The following ITGAV variants were observed in gnomAD, a reference collection of about 807,000 sequenced individuals.
The protein encoded by ITGAV is integrin subunit alpha V.
In ITGAV, 76 loss-of-function variants were observed where a neutral mutation model predicts 143.8. That is an observed-to-expected ratio of 0.53 (90% CI 0.44 to 0.64). The LOEUF is 0.64. Ranked by LOEUF, ITGAV falls within the 30% of genes least tolerant of loss-of-function variation. The pLI is 0.00. For synonymous variants in ITGAV, 453 were observed against 446.7 expected, an observed-to-expected ratio of 1.01 and a Z score of -0.18; for missense variants, 1,193 against 1,274.7, an observed-to-expected ratio of 0.94 and a Z score of 0.98.
intron 18 of ITGAV, among the ~76,000 whole-genome samples, chr2:186,659,951 T>C (rs1454505607): frequency 2.0e-5 from 3 of 152,042 alleles, no homozygotes; most frequent in African/African-American, 7.2e-5. Context: ...ATAGAACTTA[T>C]AACCATACTT....
At chr2:186,615,527 T>A (rs1427749140) in intron 2 of ITGAV, among the ~76,000 whole-genome samples, 2 of 152,166 alleles carry the variant, frequency 1.3e-5, no homozygotes, top group African/African-American at 4.8e-5. Flanking sequence ...TATTTTATTG[T>A]GGTTTTGATT....
In ITGAV at chr2:186,666,730, G is replaced by A; in HGVS notation, c.2193G>A (p.Val731=). The change falls in exon 22 of 30, where the codon GTG becomes GTA. Residue 731 remains valine (V), a synonymous_variant. Transcript: ENST00000261023. ...TQLLAGLRFS[V]HQQSEMDTSV... The stretch of plus-strand genomic sequence containing the variant: ...TCTTAGCTGGTCTTCGTTTCAGTGT[G>A]CACCAGCAGTCAGAGATGGATACTT... 2 of 1,584,664 alleles carry A rather than the reference G, an allele frequency of 1.3e-6. No homozygotes were observed. Among genetic ancestry groups the A allele is most frequent in the Non-Finnish European group, 1.7e-6 (2 of 1,168,022 alleles).
chr2:186,602,182 T>G, intron 2 of ITGAV, 31 bp downstream of exon 2: 2 of 1,587,844 alleles, frequency 1.3e-6, no homozygotes, highest in Non-Finnish European at 1.7e-6. Context: ...TTCTTTTCAT[T>G]GATTTCATTT....
intron 1 of ITGAV, among the ~76,000 whole-genome samples, chr2:186,593,835 C>T (rs1043165344): frequency 2.6e-5 from 4 of 152,086 alleles, no homozygotes; most frequent in Non-Finnish European, 4.4e-5. Flanking sequence ...GTGTAAAATT[C>T]AAATCCCACT....
At chr2:186,675,467 C>A in intron 26 of ITGAV, 137 bp from the exon 27 acceptor site, 1 of 639,150 alleles carries the variant, frequency 1.6e-6, no homozygotes, top group Admixed American at 2.8e-5. Flanking sequence ...CAACTATTAG[C>A]CTGTTTATTT....
intron 5 of ITGAV, among the ~76,000 whole-genome samples, chr2:186,632,339 G>T (rs567819716): frequency 6.6e-6 from 1 of 152,176 alleles, no homozygotes; most frequent in Non-Finnish European, 1.5e-5. Flanking sequence ...TACTGTGAAA[G>T]TCATTGCTAA....
chr2:186,592,751 A>G (rs1686648385), intron 1 of ITGAV, among the ~76,000 whole-genome samples: 1 of 152,144 alleles, frequency 6.6e-6, no homozygotes, highest in Non-Finnish European at 1.5e-5. Flanking sequence ...GTAAAATTGA[A>G]CTTGGGTTTG....
intron 1 of ITGAV, chr2:186,600,110 A>G: frequency 2.1e-6 from 1 of 485,164 alleles, no homozygotes; most frequent in Non-Finnish European, 3.6e-6. Context: ...AAGTTTAACC[A>G]TGGCCAAAAG....
rs968539670 is a variant in ITGAV, at chr2:186,619,991, C to CA, written c.317-2338dup. On this transcript the variant is annotated intron_variant, in intron 2 of 29. Coordinates refer to ENST00000261023, the MANE Select transcript of ITGAV (RefSeq NM_002210.5). Reference sequence around the variant, plus strand: ...TGGGCGACAGAGCAAGACTCCATCTCAAAAAAAAAAGAAAAAGAAAAGAAA... The same window carrying CA: ...TGGGCGACAGAGCAAGACTCCATCTCAAAAAAAAAAAGAAAAAGAAAAGAAA... 3.4e-3 allele frequency among the ~76,000 whole-genome samples: 497 copies of CA among 145,562 alleles called. 1 individual carries two copies. Among genetic ancestry groups the CA allele is most frequent in the African/African-American group, 9.6e-3 (381 of 39,714 alleles).
chr2:186,622,250 T>C, intron 2 of ITGAV, 89 bp from the exon 3 acceptor site: 2 of 857,394 alleles, frequency 2.3e-6, no homozygotes, highest in Non-Finnish European at 3.8e-6. Flanking sequence ...AAAGGTGTAC[T>C]ATTTCTCAAC....
At chr2:186,619,733 G>A (rs1034714882) in intron 2 of ITGAV, among the ~76,000 whole-genome samples, 1 of 152,180 alleles carries the variant, frequency 6.6e-6, no homozygotes, top group Non-Finnish European at 1.5e-5. Context: ...GCCCACACCT[G>A]TAATCCCAGC....
Position 186,640,619 on chromosome 2 carries a change from A to G in ITGAV, c.904-296A>G, listed in dbSNP as rs75654434. On this transcript the variant is annotated intron_variant, in intron 10 of 29. Coordinates refer to ENST00000261023, the MANE Select transcript of ITGAV (RefSeq NM_002210.5). ...AGGGAGATAGTAGGGTAGGCCTGAGAAGGAGAATTGATAGTCCTTAGACTT... is the reference window on the plus strand; with the variant it reads ...AGGGAGATAGTAGGGTAGGCCTGAGGAGGAGAATTGATAGTCCTTAGACTT... Among the ~76,000 whole-genome samples, 1,265 of 152,238 alleles carry G rather than the reference A, an allele frequency of 8.3e-3. 27 individuals carry two copies. The highest frequency in any genetic ancestry group is 0.037 in the Admixed American group (567 of 15,286).
At chr2:186,617,197 T>C (rs1435860186) in intron 2 of ITGAV, among the ~76,000 whole-genome samples, 1 of 152,212 alleles carries the variant, frequency 6.6e-6, no homozygotes, top group Non-Finnish European at 1.5e-5. Flanking sequence ...TTGTTCACTT[T>C]GGCCATTTCA....
chr2:186,665,090 A>C (rs202238670), intron 20 of ITGAV, 36 bp from the exon 21 acceptor site: 41 of 1,189,374 alleles, frequency 3.4e-5, no homozygotes, highest in Non-Finnish European at 4.8e-5. Context: ...ATTTCCTTTC[A>C]TATCCATTTT....
intron 1 of ITGAV, among the ~76,000 whole-genome samples, chr2:186,596,467 TGA>T: frequency 6.6e-6 from 1 of 151,496 alleles, no homozygotes. Context: ...TTTTTTTTTT[TGA>T]GATGGAGTCT....
intron 2 of ITGAV, among the ~76,000 whole-genome samples, chr2:186,612,663 T>C (rs1366998865): frequency 6.6e-6 from 1 of 152,164 alleles, no homozygotes; most frequent in African/African-American, 2.4e-5. Flanking sequence ...TTTAGCTGTT[T>C]TCTAGCTTCT....
intron 1 of ITGAV, among the ~76,000 whole-genome samples, chr2:186,593,350 G>C (rs1686665665): frequency 6.6e-6 from 1 of 152,112 alleles, no homozygotes; most frequent in Admixed American, 6.5e-5. Flanking sequence ...AAAGTACTAA[G>C]CAAAATGTTA....
At chr2:186,657,594 T>C (rs61762257) in intron 17 of ITGAV, among the ~76,000 whole-genome samples, 2,974 of 152,210 alleles carry the variant, frequency 0.02, 107 homozygotes, top group African/African-American at 0.068. Context: ...TAAAGATAAA[T>C]GTATAGCCTT....
intron 2 of ITGAV, among the ~76,000 whole-genome samples, chr2:186,613,253 T>A (rs148602603): frequency 6.6e-6 from 1 of 152,010 alleles, no homozygotes; most frequent in Non-Finnish European, 1.5e-5. Context: ...AAACCAGCAT[T>A]GATAAAGCAG....
Sources: gnomAD v4.1 joint callset for allele counts (sites outside exome capture counted in the v4.1 genomes callset) on GRCh38, gnomAD v4.1.1 for gene constraint, MANE v1.5 for transcripts, NCBI Gene and HGNC (gene_info 2026-07-23, HGNC 2026-07-21) for gene names.